GAP43: variants seen among roughly 807,000 people sequenced by gnomAD.
GAP43 encodes neuromodulin.
In GAP43, 6 loss-of-function variants were observed where a neutral mutation model predicts 18.6. The observed-to-expected ratio is 0.32, with a 90% CI of 0.18 to 0.64. The LOEUF is 0.64. Ranked by LOEUF, GAP43 falls within the 30% of genes least tolerant of loss-of-function variation. The pLI is 0.78. For synonymous variants in GAP43, 115 were observed against 111.4 expected (o/e 1.03, Z -0.20); for missense variants, 292 against 295.5 (o/e 0.99, Z 0.09).
chr3:115,646,216 C>T (rs1708456024), intron 1 of GAP43, among the ~76,000 whole-genome samples: 1 of 152,128 alleles, frequency 6.6e-6, no homozygotes, highest in Admixed American at 6.6e-5. Context: ...ATCTGTCCAA[C>T]ATTTGTGACC....
intron 1 of GAP43, chr3:115,663,426 T>C: frequency 1.7e-5 from 10 of 605,916 alleles, no homozygotes; most frequent in Non-Finnish European, 1.9e-5. Flanking sequence ...TCTCATTTAT[T>C]AAATAGCCAT....
At chr3:115,677,866 A>G (rs531299372) in intron 2 of GAP43, among the ~76,000 whole-genome samples, 3 of 152,320 alleles carry the variant, frequency 2.0e-5, no homozygotes, top group African/African-American at 7.2e-5. Context: ...TTTCCCCAAA[A>G]TCAGATACTA....
At chr3:115,633,841 G>T (rs1708295192) in intron 1 of GAP43, among the ~76,000 whole-genome samples, 1 of 152,168 alleles carries the variant, frequency 6.6e-6, no homozygotes, top group Non-Finnish European at 1.5e-5. Flanking sequence ...GTAAGATCTA[G>T]TTCCTGCAAA....
intron 2 of GAP43, among the ~76,000 whole-genome samples, chr3:115,683,230 G>A (rs1708987144): frequency 6.6e-6 from 1 of 151,516 alleles, no homozygotes; most frequent in Non-Finnish European, 1.5e-5. Flanking sequence ...TCTTTGAAGT[G>A]TGGGACATAT....
chr3:115,668,404 C>G lies in GAP43; in HGVS notation c.31-7609C>G, dbSNP rs142854033. On this transcript the variant is annotated intron_variant, in intron 1 of 2. Transcript: ENST00000305124. ...TAGGGAGCAGAGATTCTCCAGCAATCTCCCATGAATATTTTCACCACTTTT... is the reference window on the plus strand; with the variant it reads ...TAGGGAGCAGAGATTCTCCAGCAATGTCCCATGAATATTTTCACCACTTTT... 2.0e-5 allele frequency among the ~76,000 whole-genome samples: 3 copies of G among 152,226 alleles called. No homozygotes were observed. In the East Asian group the frequency reaches 5.8e-4, roughly 30 times the overall value.
chr3:115,633,032 G>A (rs1007841231), intron 1 of GAP43, among the ~76,000 whole-genome samples: 1 of 151,390 alleles, frequency 6.6e-6, no homozygotes, highest in Admixed American at 6.6e-5. Context: ...AAGAAAAAAA[G>A]CAGCGATCAT....
At chr3:115,707,321 G>C (rs1675271943) in intron 2 of GAP43, among the ~76,000 whole-genome samples, 1 of 152,130 alleles carries the variant, frequency 6.6e-6, no homozygotes, top group African/African-American at 2.4e-5. Flanking sequence ...TTCTATTTGA[G>C]GCAGGCTCTT....
intron 1 of GAP43, among the ~76,000 whole-genome samples, chr3:115,632,408 A>C (rs1295638372): frequency 6.6e-6 from 1 of 152,176 alleles, no homozygotes; most frequent in African/African-American, 2.4e-5. Context: ...CCTTGATTAG[A>C]GAGGTGATAT....
intron 1 of GAP43, among the ~76,000 whole-genome samples, chr3:115,641,548 C>T (rs1576979544): frequency 3.1e-5 from 2 of 64,994 alleles, no homozygotes; most frequent in African/African-American, 9.4e-5. Context: ...ACACACGGTG[C>T]TTTCCTGTTT....
chr3:115,623,807 T>G, intron 1 of GAP43, 88 bp downstream of exon 1: 1 of 1,384,564 alleles, frequency 7.2e-7, no homozygotes, highest in Non-Finnish European at 1.0e-6. Context: ...TTTTTACTGC[T>G]TCTGCTCTGG....
intron 2 of GAP43, among the ~76,000 whole-genome samples, chr3:115,699,999 T>C (rs558343381): frequency 6.6e-6 from 1 of 152,272 alleles, no homozygotes; most frequent in African/African-American, 2.4e-5. Flanking sequence ...CAGGCAAGTA[T>C]AAGAAAGGGC....
chr3:115,629,764 C>T (rs1708239470), intron 1 of GAP43, among the ~76,000 whole-genome samples: 1 of 152,034 alleles, frequency 6.6e-6, no homozygotes, highest in Admixed American at 6.6e-5. Flanking sequence ...TCATGTTAAC[C>T]ATGAATAATC....
At position 115,628,029 on chromosome 3, in the gene GAP43, T is replaced by C. The variant is rs373561390; in HGVS notation, c.30+4310T>C. 1.4e-3 allele frequency among the ~76,000 whole-genome samples: 210 copies of C among 152,218 alleles called. 1 individual carries two copies. Among genetic ancestry groups the C allele is most frequent in the Middle Eastern group, 6.8e-3 (2 of 294 alleles). ...ATGAACACTTTGCTTACCTTAAGGA[T>C]TTTTGTAGGGCTTAAACATACTTGA... On this transcript the variant is annotated intron_variant, in intron 1 of 2. Coordinates refer to ENST00000305124, the MANE Select transcript of GAP43 (RefSeq NM_002045.4).
In GAP43 at chr3:115,639,016, C is replaced by T. The variant is rs544192362; in HGVS notation, c.30+15297C>T. Among the ~76,000 whole-genome samples, 6 of 152,184 alleles carry T rather than the reference C, an allele frequency of 3.9e-5. No homozygotes were observed. The South Asian group carries it at 1.2e-3, about 32-fold the overall frequency. ...TAGATCTAGTTGAATGCTTTGCACA[C>T]TATGGTTTCTCATTAAATTTGAGTT... is the stretch of plus-strand genomic sequence containing the variant. On this transcript the variant is annotated intron_variant, in intron 1 of 2. Transcript: ENST00000305124.
intron 2 of GAP43, among the ~76,000 whole-genome samples, chr3:115,691,297 A>T (rs1709107574): frequency 6.6e-6 from 1 of 152,226 alleles, no homozygotes; most frequent in African/African-American, 2.4e-5. Flanking sequence ...AATTTAGCCA[A>T]ATCTCTTGCT....
chr3:115,641,382 T>TTGTG lies in GAP43; in HGVS notation c.30+17675_30+17678dup, dbSNP rs894619973. ...TGTGTGTACATACACACATAGGAGT[T>TTGTG]TGTGTGTGTGTGTGTATACATACAC... On this transcript the variant is annotated intron_variant, in intron 1 of 2. Transcript: ENST00000305124. Among the ~76,000 whole-genome samples, 10 of 150,958 alleles carry TTGTG rather than the reference T, an allele frequency of 6.6e-5. No homozygotes were observed. In the East Asian group the frequency reaches 7.8e-4, roughly 12 times the overall value.
At position 115,676,246 on chromosome 3, in the gene GAP43, C is replaced by G. The variant is rs377001797; in HGVS notation, c.264C>G (p.Ala88=). ...AGAAGGGAGAAGGCACCACTACTGC[C>G]GAAGCAGCCCCAGCCACTGGCTCCA... is the stretch of plus-strand genomic sequence containing the variant. ...VEKKGEGTTT[A]EAAPATGSKP... is the part of the protein sequence containing the mutation. Residue 88 remains alanine (A), a synonymous_variant, in exon 2 of 3, where the codon GCC becomes GCG. Coordinates refer to ENST00000305124, the MANE Select transcript of GAP43 (RefSeq NM_002045.4). The G allele has an allele frequency of 7.1e-5, 115 of 1,613,958 alleles. No individual in the cohort carries two copies. The highest frequency in any genetic ancestry group is 3.3e-4 in the African/African-American group (25 of 74,872).
rs1304820557 is a variant in GAP43, at chr3:115,676,129, A to G, written c.147A>G (p.Lys49=). 6.2e-7 allele frequency: 1 copy of G among 1,614,128 alleles called. No homozygotes were observed. The highest frequency in any genetic ancestry group is 8.5e-7 in the Non-Finnish European group (1 of 1,180,052). Residue 49 remains lysine, a synonymous_variant, in exon 2 of 3, where the codon AAA becomes AAG. Transcript: ENST00000305124. ...GCTTCCGTGGACACATAACAAGGAAAAAGCTCAAAGGAGAGAAGAAGGATG... is the reference window on the plus strand; with the variant it reads ...GCTTCCGTGGACACATAACAAGGAAGAAGCTCAAAGGAGAGAAGAAGGATG... ...QASFRGHITR[K]KLKGEKKDDV... is the part of the protein sequence containing the mutation.
intron 2 of GAP43, among the ~76,000 whole-genome samples, chr3:115,705,742 C>T (rs983129067): frequency 3.3e-5 from 5 of 152,052 alleles, no homozygotes; most frequent in African/African-American, 4.8e-5. Flanking sequence ...AAAAAATTAC[C>T]AACAAACATG....
Sources: gnomAD v4.1 joint callset for allele counts (sites outside exome capture counted in the v4.1 genomes callset) on GRCh38, gnomAD v4.1.1 for gene constraint, MANE v1.5 for transcripts, NCBI Gene and HGNC (gene_info 2026-07-23, HGNC 2026-07-21) for gene names.